Variants in SNX18 observed in about 807,000 individuals in gnomAD.
SNX18 encodes the protein sorting nexin 18.
SNX18 carries 35 observed loss-of-function variants against 48.7 expected under a neutral mutation model. The ratio of observed to expected loss-of-function variants is 0.72; its 90% CI spans 0.55 to 0.95. The LOEUF (loss-of-function observed/expected upper bound fraction) is 0.95. SNX18 is among the 40% of genes least tolerant of loss of function. SNX18 has a pLI of 0.00. For missense variants in SNX18, 824 were observed against 871.0 expected (o/e 0.95, Z 0.68); for synonymous variants, 492 against 384.7 (o/e 1.28, Z -3.26).
At chr5:54,637,398 C>A in the SNX18 span, among the ~76,000 whole-genome samples, 1 of 151,928 alleles carries the variant, frequency 6.6e-6, no homozygotes, top group Non-Finnish European at 1.5e-5. Context: ...TATCCTTTGG[C>A]GTGAGAAAAG....
downstream of SNX18, among the ~76,000 whole-genome samples, chr5:54,546,905 T>G (rs887874301): frequency 1.3e-5 from 2 of 152,230 alleles, no homozygotes; most frequent in Non-Finnish European, 2.9e-5. Flanking sequence ...AGTAAAGTAC[T>G]TGACATACTG....
chr5:54,607,651 G>A, the SNX18 span, among the ~76,000 whole-genome samples: 1 of 152,096 alleles, frequency 6.6e-6, no homozygotes, highest in African/African-American at 2.4e-5. Flanking sequence ...AGCTGCTATG[G>A]GCCAGGCACT....
the SNX18 span, among the ~76,000 whole-genome samples, chr5:54,630,829 CAAAAAAAAA>C: frequency 8.5e-3 from 804 of 94,516 alleles, 4 homozygotes; most frequent in South Asian, 0.017. Flanking sequence ...AAGACTCAGT[CAAAAAAAAA>C]AAAAAAAAAA....
At chr5:54,640,107 C>A in the SNX18 span, among the ~76,000 whole-genome samples, 25 of 152,242 alleles carry the variant, frequency 1.6e-4, no homozygotes, top group African/African-American at 6.0e-4. Flanking sequence ...TATCCCCTGG[C>A]AGAATGGGCA....
At chr5:54,531,829 C>T (rs1441106761) in intron 1 of SNX18, among the ~76,000 whole-genome samples, 2 of 152,168 alleles carry the variant, frequency 1.3e-5, no homozygotes, top group African/African-American at 2.4e-5. Flanking sequence ...CTCAGGATAA[C>T]GAAGAGTGCT....
At position 54,544,643 on chromosome 5, in the gene SNX18, C is replaced by CCG. The variant is rs1554020686; in HGVS notation, c.*1212_*1213insGC. ...AAAAAAGGTATTGATGAGCCCCCCC[C>CCG]CCCCAGGACATTTAACCTTAAAATT... is the stretch of plus-strand genomic sequence containing the variant. On this transcript the variant is annotated 3_prime_UTR_variant, in exon 2 of 2. Transcript: ENST00000381410. 3.6e-5 allele frequency: 5 copies of CCG among 137,246 alleles called. No homozygotes were observed. The highest frequency in any genetic ancestry group is 7.4e-5 in the Admixed American group (1 of 13,584). 8.5% of individuals were successfully genotyped at this position (137,246 alleles called of 1,614,324 possible).
At chr5:54,623,966 G>A in the SNX18 span, among the ~76,000 whole-genome samples, 10 of 152,150 alleles carry the variant, frequency 6.6e-5, no homozygotes, top group Non-Finnish European at 1.5e-4. Flanking sequence ...TCAGTTACGA[G>A]TAAGCATATC....
chr5:54,519,537 C>T lies in SNX18; in HGVS notation c.1585C>T (p.Leu529=), dbSNP rs1761969016. Residue 529 remains leucine (L), a synonymous_variant, in exon 1 of 2, where the codon CTG becomes TTG. Transcript: ENST00000381410. ...CCTATTAGCGCTGTATCAGGGGCAT[C>T]TGGCTAACTTCCCGGACATCATCCA... The part of the protein sequence containing the change: ...MDLLALYQGH[L]ANFPDIIHVQ... 5.6e-6 allele frequency: 9 copies of T among 1,614,234 alleles called. No homozygotes were observed. Among genetic ancestry groups the T allele is most frequent in the Non-Finnish European group, 6.8e-6 (8 of 1,180,042 alleles).
At chr5:54,560,137 A>G in the SNX18 span, among the ~76,000 whole-genome samples, 5 of 152,360 alleles carry the variant, frequency 3.3e-5, no homozygotes. Flanking sequence ...TACATACCCA[A>G]AGGAATGTAA....
rs1002754330 is a variant in SNX18, at chr5:54,546,564, TAAAC to T, written c.*3134_*3137del. ...CAGCCATGTTTATCTTTTTAAAAAA[TAAAC>T]AGGTTGCTTTATTTCTTAGCTTCAA... On this transcript the variant is annotated 3_prime_UTR_variant, in exon 2 of 2. Coordinates refer to ENST00000381410, the MANE Select transcript of SNX18 (RefSeq NM_001102575.2). The T allele has an allele frequency of 6.6e-6, 1 of 152,210 alleles. No homozygotes were observed. Among genetic ancestry groups the T allele is most frequent in the African/African-American group, 2.4e-5 (1 of 41,462 alleles). The allele number at this position is 152,210 out of a possible 1,614,324, so 9.4% of individuals were successfully genotyped here.
chr5:54,533,455 G>A (rs375028771), intron 1 of SNX18, among the ~76,000 whole-genome samples: 2 of 152,306 alleles, frequency 1.3e-5, no homozygotes, highest in African/African-American at 2.4e-5. Flanking sequence ...CCTAGGAGGC[G>A]TTGGGTACTG....
chr5:54,539,996 C>T lies in SNX18; in HGVS notation c.1622-3183C>T, dbSNP rs141249791. Among the ~76,000 whole-genome samples the T allele has an allele frequency of 4.3e-3, 651 of 151,958 alleles. 8 individuals are homozygous for T. Among genetic ancestry groups the T allele is most frequent in the African/African-American group, 0.015 (612 of 41,410 alleles). On this transcript the variant is annotated intron_variant, in intron 1 of 1. Coordinates refer to ENST00000381410, the MANE Select transcript of SNX18 (RefSeq NM_001102575.2). ...AAGTGATTCTCCTGCCTCAGCCTCC[C>T]GGGTACTTGGGATTACAGGCGCCCA...
intron 1 of SNX18, among the ~76,000 whole-genome samples, chr5:54,529,008 T>C (rs777138185): frequency 6.6e-6 from 1 of 152,174 alleles, no homozygotes; most frequent in African/African-American, 2.4e-5. Flanking sequence ...GGTTTACAGC[T>C]GCTGTTGGAG....
chr5:54,632,239 T>C, the SNX18 span, among the ~76,000 whole-genome samples: 26 of 152,310 alleles, frequency 1.7e-4, no homozygotes, highest in Middle Eastern at 3.4e-3. Flanking sequence ...TTTCTTAGCA[T>C]AGCTTCCCAG....
the SNX18 span, among the ~76,000 whole-genome samples, chr5:54,590,530 G>A: frequency 6.6e-6 from 1 of 152,142 alleles, no homozygotes; most frequent in East Asian, 1.9e-4. Context: ...GCTACTGGCA[G>A]GAGTGTAGCT....
At chr5:54,624,294 C>T in the SNX18 span, among the ~76,000 whole-genome samples, 2 of 152,306 alleles carry the variant, frequency 1.3e-5, no homozygotes, top group South Asian at 4.1e-4. Context: ...GTTCTCACCA[C>T]TTTATGACTT....
At chr5:54,578,207 C>T in the SNX18 span, among the ~76,000 whole-genome samples, 110 of 152,302 alleles carry the variant, frequency 7.2e-4, no homozygotes, top group African/African-American at 2.6e-3. Context: ...ATGAACGTGC[C>T]ACTTACAACG....
At position 54,519,671 on chromosome 5, in the gene SNX18, T is replaced by C. The variant is rs138022035; in HGVS notation, c.1621+98T>C. 1,931 of 1,614,200 alleles carry C rather than the reference T, an allele frequency of 1.2e-3. 3 individuals carry two copies. Among genetic ancestry groups the C allele is most frequent in the Non-Finnish European group, 1.4e-3 (1,696 of 1,180,034 alleles). On this transcript the variant is annotated intron_variant, in intron 1 of 1. Coordinates refer to ENST00000381410, the MANE Select transcript of SNX18 (RefSeq NM_001102575.2). ...TACCACTGTGGGTTTCAGAATCATA[T>C]TCTACAGGTGAGGAAGCGAGCAGAG... is the stretch of plus-strand genomic sequence containing the variant.
chr5:54,566,406 T>C, the SNX18 span, among the ~76,000 whole-genome samples: 1 of 152,212 alleles, frequency 6.6e-6, no homozygotes, highest in Admixed American at 6.5e-5. Context: ...CATTTAATGA[T>C]TAAATGCCAG....
Sources: gnomAD v4.1 joint callset for allele counts (sites outside exome capture counted in the v4.1 genomes callset) on GRCh38, gnomAD v4.1.1 for gene constraint, MANE v1.5 for transcripts, NCBI Gene and HGNC (gene_info 2026-07-23, HGNC 2026-07-21) for gene names.